Variants in ATP2A3 observed in about 807,000 individuals in gnomAD.
The protein encoded by ATP2A3 is ATPase sarcoplasmic/endoplasmic reticulum Ca2+ transporting 3.
Under a neutral mutation model 106.8 loss-of-function variants are expected in ATP2A3, and 61 were observed. That is an observed-to-expected ratio of 0.57 (90% confidence interval 0.46 to 0.71). The LOEUF (loss-of-function observed/expected upper bound fraction) is 0.71, where lower values mean the gene tolerates loss of function less well. Ranked by LOEUF, ATP2A3 falls within the 30% of genes least tolerant of loss-of-function variation. ATP2A3 has a pLI of 0.00. For synonymous variants in ATP2A3, 611 were observed against 609.3 expected (o/e 1.00, Z -0.04); for missense variants, 1,201 against 1,423.5 (o/e 0.84, Z 2.52).
chr17:3,941,846 C>T (rs2053800707), intron 12 of ATP2A3, among the ~76,000 whole-genome samples, 192 bp from the exon 13 acceptor site: 2 of 152,180 alleles, frequency 1.3e-5, no homozygotes, highest in Non-Finnish European at 2.9e-5. Flanking sequence ...GTGAGACAAT[C>T]TAAAGAGAAT....
At chr17:3,943,716 C>G (rs553592386) in intron 10 of ATP2A3, among the ~76,000 whole-genome samples, 194 bp from the exon 11 acceptor site, 1 of 152,194 alleles carries the variant, frequency 6.6e-6, no homozygotes, top group African/African-American at 2.4e-5. Context: ...TTCAGCCCCC[C>G]ACACTGGCAT....
chr17:3,942,573 G>A lies in ATP2A3; in HGVS notation c.1545+33C>T, dbSNP rs183139419. 1.6e-4 allele frequency: 252 copies of A among 1,603,190 alleles called. 3 individuals carry two copies. The highest frequency in any genetic ancestry group is 1.2e-3 in the Admixed American group (69 of 59,920). ...TGGATGACCAGGTTCCCCAGGGCGC[G>A]CAGGGGCCCAGGCCAGCCAGGCAGG... On this transcript the variant is annotated intron_variant, in intron 12 of 20. Transcript: ENST00000397041.
At chr17:3,944,867 C>A in intron 9 of ATP2A3, 61 bp from the exon 10 acceptor site, 1 of 927,066 alleles carries the variant, frequency 1.1e-6, no homozygotes, top group South Asian at 1.5e-5. Context: ...GGGTCCGCCT[C>A]TTGGCCCCGC....
At chr17:3,950,963 G>A (rs943422838) in intron 5 of ATP2A3, among the ~76,000 whole-genome samples, 190 bp from the exon 6 acceptor site, 2 of 152,072 alleles carry the variant, frequency 1.3e-5, no homozygotes, top group Admixed American at 6.6e-5. Context: ...GGGCTTTGGA[G>A]GGATCCGACA....
rs776795500 is a variant in ATP2A3, at chr17:3,926,375, C to T, written c.2981-934G>A. Among the ~76,000 whole-genome samples the T allele has an allele frequency of 6.6e-6, 1 of 152,162 alleles. No homozygotes were observed. Among genetic ancestry groups the T allele is most frequent in the Non-Finnish European group, 1.5e-5 (1 of 68,030 alleles). On this transcript the variant is annotated intron_variant, in intron 20 of 20. Coordinates refer to ENST00000397041, the MANE Select transcript of ATP2A3 (RefSeq NM_005173.4). The surrounding 1 kb of genome is among the most constrained non-coding windows in gnomAD (Gnocchi z 4.6). ...CACATTCCTCGGGGTGCCTCCACCC[C>T]ACCCCTCAGATGGAGCCGCAGGTAC...
At chr17:3,959,865 G>T (rs1468809618) in intron 1 of ATP2A3, among the ~76,000 whole-genome samples, 1 of 152,230 alleles carries the variant, frequency 6.6e-6, no homozygotes, top group Non-Finnish European at 1.5e-5. Flanking sequence ...TCCGGAGCTG[G>T]AGATGAAGGG....
At chr17:3,958,887 C>CACATATAT (rs1354215003) in intron 1 of ATP2A3, among the ~76,000 whole-genome samples, 3 of 99,896 alleles carry the variant, frequency 3.0e-5, no homozygotes, top group African/African-American at 1.4e-4. Flanking sequence ...CACACACACA[C>CACATATAT]ATATATATAT....
Position 3,924,726 on chromosome 17 carries a change from C to T in ATP2A3, c.*696G>A, listed in dbSNP as rs754410961. The T allele has an allele frequency of 1.5e-4, 69 of 456,236 alleles. No homozygotes were observed. The highest frequency in any genetic ancestry group is 4.2e-4 in the Admixed American group (18 of 42,530). The allele number at this position is 456,236 out of a possible 1,614,324, so 28.3% of individuals were successfully genotyped here. On this transcript the variant is annotated 3_prime_UTR_variant, in exon 21 of 21. Transcript: ENST00000397041. The surrounding 1 kb of genome is among the most constrained non-coding windows in gnomAD (Gnocchi z 6.4). ...AGCCAGGCTTTCCCGACTTGTCTCCCGGGAAAGGACATCCTCGCTCCGCCC... is the reference window on the plus strand; with the variant it reads ...AGCCAGGCTTTCCCGACTTGTCTCCTGGGAAAGGACATCCTCGCTCCGCCC...
At chr17:3,935,120 G>T (rs1597589101) in intron 17 of ATP2A3, 72 bp downstream of exon 17, 7 of 1,502,120 alleles carry the variant, frequency 4.7e-6, no homozygotes, top group South Asian at 1.1e-5. Flanking sequence ...TGCGGCTCTA[G>T]ACCCATCTCC....
chr17:3,953,609 G>A lies in ATP2A3; in HGVS notation c.136+84C>T, dbSNP rs568030629. 575 of 1,540,050 alleles carry A rather than the reference G, an allele frequency of 3.7e-4. 7 individuals carry two copies. In the South Asian group the frequency reaches 5.8e-3, roughly 16 times the overall value. On this transcript the variant is annotated intron_variant, in intron 2 of 20. Coordinates refer to ENST00000397041, the MANE Select transcript of ATP2A3 (RefSeq NM_005173.4). This position sits in a 1 kb window ranked among gnomAD's most constrained non-coding sequence, Gnocchi z 5.1. ...GGAGCTCAGCAAGGCCTCACTCAGC[G>A]GGGAGAAGGAAGTCATGACCAGACA... is the stretch of plus-strand genomic sequence containing the variant.
chr17:3,957,059 AT>A (rs2054823197), intron 1 of ATP2A3, among the ~76,000 whole-genome samples: 1 of 152,218 alleles, frequency 6.6e-6, no homozygotes, highest in African/African-American at 2.4e-5. Flanking sequence ...TTACCGCATT[AT>A]CACCAGAGAA....
In ATP2A3 at chr17:3,929,061, G is replaced by A. The variant is rs1567676061; in HGVS notation, c.2862+267C>T. ...ACTCCCATCCATCCTGTTGGGAGGC[G>A]GGAGGATTCTGCCCTGGGAAAGCTC... On this transcript the variant is annotated intron_variant, in intron 19 of 20. Transcript: ENST00000397041. This position sits in a 1 kb window ranked among gnomAD's most constrained non-coding sequence, Gnocchi z 4.3. 6.6e-6 allele frequency among the ~76,000 whole-genome samples: 1 copy of A among 152,148 alleles called. No individual in the cohort carries two copies. The highest frequency in any genetic ancestry group is 1.5e-5 in the Non-Finnish European group (1 of 68,024).
chr17:3,940,750 C>T (rs911067093), intron 14 of ATP2A3, among the ~76,000 whole-genome samples: 29 of 152,298 alleles, frequency 1.9e-4, no homozygotes, highest in Admixed American at 4.6e-4. Flanking sequence ...TCAACTGATC[C>T]GCCCGCCTCA....
rs534590088 is a variant in ATP2A3 at position 3,963,367 on chromosome 17, C to A, written c.118+807G>T. Among the ~76,000 whole-genome samples the A allele has an allele frequency of 7.9e-5, 12 of 152,362 alleles. No individual in the cohort carries two copies. The East Asian group carries it at 2.1e-3, about 27-fold the overall frequency. On this transcript the variant is annotated intron_variant, in intron 1 of 20. Transcript: ENST00000397041. ...GCCTGGAAGGGATGTGGGGAGGGCA[C>A]CTCTGTATTTTCCACCCTCATGGGA...
Position 3,964,220 on chromosome 17 carries a change from C to T in ATP2A3, c.72G>A (p.Leu24=). The T allele has an allele frequency of 1.6e-6, 2 of 1,276,268 alleles. No individual in the cohort carries two copies. The highest frequency in any genetic ancestry group is 1.7e-5 in the South Asian group (1 of 57,282). 79.1% of individuals were successfully genotyped at this position (1,276,268 alleles called of 1,614,324 possible). A position where few individuals can be genotyped will look rare whatever the true frequency, so the allele number is the denominator to read the frequency against. Reference sequence around the variant, plus strand: ...GCGCGCCGGTCACCTGCGCCGGGCTCAGGCCGCCCTCGGCTGTCACCGAGA... The same window carrying T: ...GCGCGCCGGTCACCTGCGCCGGGCTTAGGCCGCCCTCGGCTGTCACCGAGA... ...RHFSVTAEGG[L]SPAQVTGARE... is the part of the protein sequence containing the mutation. The change falls in exon 1 of 21, where the codon CTG becomes CTA. Residue 24 remains leucine (L), a synonymous_variant. Coordinates refer to ENST00000397041, the MANE Select transcript of ATP2A3 (RefSeq NM_005173.4).
In ATP2A3 at chr17:3,928,798, G is replaced by C. The variant is rs1274504996; in HGVS notation, c.2863-18C>G. The stretch of plus-strand genomic sequence containing the variant: ...AAAATGAGCTGGCGGGGAGGGGAAG[G>C]GAGGTTTGGTTAAAGGAAGGACTGG... On this transcript the variant is annotated intron_variant, in intron 19 of 20. Coordinates refer to ENST00000397041, the MANE Select transcript of ATP2A3 (RefSeq NM_005173.4). The surrounding 1 kb of genome is among the most constrained non-coding windows in gnomAD (Gnocchi z 6.1). The C allele has an allele frequency of 5.8e-6, 9 of 1,546,414 alleles. No individual in the cohort carries two copies. The highest frequency in any genetic ancestry group is 7.9e-6 in the Non-Finnish European group (9 of 1,142,178).
intron 11 of ATP2A3, 102 bp downstream of exon 11, chr17:3,943,289 A>G (rs750966315): frequency 6.5e-7 from 1 of 1,536,246 alleles, no homozygotes; most frequent in Non-Finnish European, 8.8e-7. Flanking sequence ...AAAAAAAACA[A>G]AACGAAACAA....
At chr17:3,952,794 G>A (rs1394698642) in intron 3 of ATP2A3, among the ~76,000 whole-genome samples, 8 of 152,140 alleles carry the variant, frequency 5.3e-5, no homozygotes, top group African/African-American at 1.4e-4. Flanking sequence ...GTCTCCCTAT[G>A]TTGCCCATGC....
intron 1 of ATP2A3, among the ~76,000 whole-genome samples, chr17:3,958,715 T>C (rs932521653): frequency 1.0e-5 from 1 of 99,826 alleles, no homozygotes; most frequent in Non-Finnish European, 2.1e-5. Flanking sequence ...TATATATATA[T>C]ATACACATAT....
Sources: gnomAD v4.1 joint callset for allele counts (sites outside exome capture counted in the v4.1 genomes callset) on GRCh38, gnomAD v4.1.1 for gene constraint, Gnocchi (gnomAD v3.1) non-coding constraint, MANE v1.5 for transcripts, NCBI Gene and HGNC (gene_info 2026-07-23, HGNC 2026-07-21) for gene names.